The following STPG2 variants were observed in gnomAD, a reference collection of about 807,000 sequenced individuals.
STPG2 encodes sperm-tail PG-rich repeat-containing protein 2.
A neutral mutation model predicts 54.2 loss-of-function variants in STPG2; 56 were observed. That is an observed-to-expected ratio of 1.03 (90% CI 0.83 to 1.29). The LOEUF (loss-of-function observed/expected upper bound fraction) is 1.29. Ranked by LOEUF, STPG2 falls within the 50% of genes most tolerant of loss-of-function variation. STPG2 has a pLI of 0.00. For synonymous variants in STPG2, 200 were observed against 181.8 expected, an observed-to-expected ratio of 1.10 and a Z score of -0.81; for missense variants, 596 against 544.9, an observed-to-expected ratio of 1.09 and a Z score of -0.93.
chr4:98,115,773 T>A (rs1464176498), intron 3 of STPG2, among the ~76,000 whole-genome samples: 1 of 151,998 alleles, frequency 6.6e-6, no homozygotes, highest in Non-Finnish European at 1.5e-5. Flanking sequence ...GGCAGTAGTT[T>A]GTGAAGAACC....
chr4:98,018,223 T>C (rs898578702), intron 5 of STPG2, among the ~76,000 whole-genome samples: 45 of 151,996 alleles, frequency 3.0e-4, no homozygotes, highest in African/African-American at 1.0e-3. Context: ...TGTGTCCATG[T>C]GTTCTCATTA....
intron 9 of STPG2, among the ~76,000 whole-genome samples, chr4:97,714,362 C>T (rs1482281064): frequency 6.6e-6 from 1 of 152,040 alleles, no homozygotes; most frequent in East Asian, 1.9e-4. Flanking sequence ...AATATCAGCT[C>T]AATTAAGACA....
chr4:98,030,421 A>G (rs558974672), intron 5 of STPG2, among the ~76,000 whole-genome samples: 4 of 152,326 alleles, frequency 2.6e-5, no homozygotes, highest in Admixed American at 1.3e-4. Context: ...ATACATTATC[A>G]AGGGAGAAAT....
chr4:97,870,485 G>C (rs1229668379), intron 8 of STPG2, among the ~76,000 whole-genome samples: 1 of 151,346 alleles, frequency 6.6e-6, no homozygotes, highest in Non-Finnish European at 1.5e-5. Flanking sequence ...GATGAAGCAT[G>C]TATACCAGGC....
At chr4:97,508,821 A>T (rs1730908104) in intron 4 of STPG2, among the ~76,000 whole-genome samples, 2 of 152,134 alleles carry the variant, frequency 1.3e-5, no homozygotes, top group African/African-American at 4.8e-5. Flanking sequence ...CACAGAAAAT[A>T]TACTTTAATA....
chr4:97,750,327 A>T (rs990009000), intron 9 of STPG2, among the ~76,000 whole-genome samples: 1 of 151,840 alleles, frequency 6.6e-6, no homozygotes, highest in Non-Finnish European at 1.5e-5. Context: ...CCCTCAAGAG[A>T]GGACACCTCT....
intron 9 of STPG2, among the ~76,000 whole-genome samples, chr4:97,814,475 C>A (rs543723651): frequency 6.6e-6 from 1 of 152,232 alleles, no homozygotes; most frequent in African/African-American, 2.4e-5. Flanking sequence ...ATTAAAGGTA[C>A]ATGCCACCAC....
At chr4:97,739,225 G>T (rs1725131274) in intron 9 of STPG2, among the ~76,000 whole-genome samples, 1 of 152,006 alleles carries the variant, frequency 6.6e-6, no homozygotes. Flanking sequence ...TGTGTAGAGA[G>T]AAATTTATAG....
intron 8 of STPG2, among the ~76,000 whole-genome samples, chr4:97,843,918 T>A (rs948169080): frequency 1.4e-4 from 21 of 151,794 alleles, no homozygotes; most frequent in African/African-American, 4.8e-4. Flanking sequence ...CATTTCTTGG[T>A]CTGATTTCAT....
intron 9 of STPG2, among the ~76,000 whole-genome samples, chr4:97,818,145 T>G (rs925865952): frequency 4.6e-5 from 7 of 151,888 alleles, no homozygotes; most frequent in Admixed American, 6.6e-5. Flanking sequence ...AATCACTCCA[T>G]TATGCAAAGC....
intron 3 of STPG2, among the ~76,000 whole-genome samples, chr4:98,126,376 C>T (rs1009942092): frequency 1.2e-4 from 18 of 152,214 alleles, no homozygotes; most frequent in African/African-American, 4.3e-4. Flanking sequence ...ATCCAAGGCC[C>T]GGGTGGTGTG....
At chr4:97,731,973 G>A (rs1724809947) in intron 9 of STPG2, among the ~76,000 whole-genome samples, 1 of 152,194 alleles carries the variant, frequency 6.6e-6, no homozygotes, top group African/African-American at 2.4e-5. Context: ...GGGCAGTGGA[G>A]GTTGTGCATG....
intron 4 of STPG2, among the ~76,000 whole-genome samples, chr4:97,497,860 T>C (rs1730643579): frequency 6.6e-6 from 1 of 151,906 alleles, no homozygotes; most frequent in African/African-American, 2.4e-5. Flanking sequence ...GATGCCTACA[T>C]TTCTCATTAT....
At chr4:97,486,833 A>G (rs1432177822) in intron 4 of STPG2, among the ~76,000 whole-genome samples, 160 of 136,232 alleles carry the variant, frequency 1.2e-3, no homozygotes, top group African/African-American at 4.7e-3. Context: ...GTGTGTGTAT[A>G]TATATATATA....
chr4:97,790,552 C>T (rs1022640987), intron 9 of STPG2, among the ~76,000 whole-genome samples: 4 of 152,080 alleles, frequency 2.6e-5, no homozygotes, highest in Non-Finnish European at 4.4e-5. Flanking sequence ...CATAGGAGCC[C>T]TAATTTTCCT....
chr4:98,017,893 C>T (rs1027068298), intron 5 of STPG2, among the ~76,000 whole-genome samples: 42 of 152,102 alleles, frequency 2.8e-4, no homozygotes, highest in Non-Finnish European at 6.0e-4. Context: ...TCTCTCTCTC[C>T]TGCTACCTTG....
intron 4 of STPG2, among the ~76,000 whole-genome samples, chr4:97,452,831 G>C (rs1005823445): frequency 1.3e-5 from 2 of 152,150 alleles, no homozygotes; most frequent in Non-Finnish European, 2.9e-5. Context: ...CTCTCTGCTA[G>C]GAGCTGAACA....
chr4:97,902,411 G>C (rs1214671087), intron 8 of STPG2, among the ~76,000 whole-genome samples: 1 of 152,036 alleles, frequency 6.6e-6, no homozygotes, highest in Non-Finnish European at 1.5e-5. Context: ...TACCTGATAA[G>C]GGTTAATCTT....
At chr4:97,981,707 G>C (rs1734682564) in intron 5 of STPG2, among the ~76,000 whole-genome samples, 1 of 151,028 alleles carries the variant, frequency 6.6e-6, no homozygotes, top group African/African-American at 2.4e-5. Context: ...TATTGAAAAA[G>C]TTCCTCAACA....
Sources: gnomAD v4.1 joint callset for allele counts (sites outside exome capture counted in the v4.1 genomes callset) on GRCh38, gnomAD v4.1.1 for gene constraint, MANE v1.5 for transcripts, NCBI Gene and HGNC (gene_info 2026-07-23, HGNC 2026-07-21) for gene names.